SP140L: variants seen among roughly 807,000 people sequenced by gnomAD.
The protein encoded by SP140L is SP140 like nuclear body protein.
In SP140L, 64 loss-of-function variants were observed where a neutral mutation model predicts 84.3. The ratio of observed to expected loss-of-function variants is 0.76; its 90% CI spans 0.62 to 0.94. The LOEUF is 0.94. Among genes scored for constraint, SP140L ranks in the 40% least tolerant of loss-of-function variants. The probability of loss-of-function intolerance (pLI) is 0.00; values close to 1 mark genes in which losing one functional copy is unlikely to be tolerated. For synonymous variants in SP140L, 242 were observed against 236.9 expected, an observed-to-expected ratio of 1.02 and a Z score of -0.20; for missense variants, 628 against 692.5, an observed-to-expected ratio of 0.91 and a Z score of 1.05.
intron 15 of SP140L, chr2:230,400,748 G>A: frequency 8.3e-7 from 1 of 1,208,846 alleles, no homozygotes; most frequent in East Asian, 2.6e-5. Context: ...ACCTTCCTGA[G>A]GCTTCCCTCC....
intron 7 of SP140L, among the ~76,000 whole-genome samples, chr2:230,377,885 T>C (rs1041849886): frequency 6.6e-6 from 1 of 152,194 alleles, no homozygotes; most frequent in Non-Finnish European, 1.5e-5. Context: ...TTTGAGGTCC[T>C]ATTTAAGGAA....
chr2:230,328,799 C>T lies in SP140L; in HGVS notation c.75C>T (p.Asn25=). ...TTTCACAAGTAGCAAATGAGATGAA[C>T]CATCTTCCTGCACACAGCCAAAGTC... ...GGVSQVANEM[N]HLPAHSQSLQ... The change falls in exon 2 of 19, where the codon AAC becomes AAT. Residue 25 remains asparagine (N), a synonymous_variant. Transcript: ENST00000415673. 1 of 1,612,508 alleles carries T rather than the reference C, an allele frequency of 6.2e-7. No individual in the cohort carries two copies. Among genetic ancestry groups the T allele is most frequent in the Non-Finnish European group, 8.5e-7 (1 of 1,179,088 alleles).
intron 7 of SP140L, among the ~76,000 whole-genome samples, chr2:230,378,220 A>C (rs1027176655): frequency 6.7e-6 from 1 of 148,170 alleles, no homozygotes; most frequent in East Asian, 2.0e-4. Flanking sequence ...CTACAGTTTT[A>C]CAAATCCTGA....
chr2:230,354,977 A>C lies in SP140L; in HGVS notation c.108-2828A>C, dbSNP rs879411275. Reference sequence around the variant, plus strand: ...GAGAAAGAAAGGGAAAGAGGTAAGAATATGTATAAAGGTCTAACAGACATC... The same window carrying C: ...GAGAAAGAAAGGGAAAGAGGTAAGACTATGTATAAAGGTCTAACAGACATC... On this transcript the variant is annotated intron_variant, in intron 2 of 18. Transcript: ENST00000415673. Among the ~76,000 whole-genome samples, 5 of 152,088 alleles carry C rather than the reference A, an allele frequency of 3.3e-5. No individual in the cohort carries two copies. In the South Asian group the frequency reaches 1.0e-3, roughly 31 times the overall value.
intron 11 of SP140L, 75 bp from the exon 12 acceptor site, chr2:230,392,012 C>G: frequency 6.3e-7 from 1 of 1,589,482 alleles, no homozygotes; most frequent in Non-Finnish European, 8.6e-7. Context: ...GGCTCTAGAT[C>G]CAATGTGGTG....
rs116485551 is a variant in SP140L, at chr2:230,385,610, T to C, written c.784+306T>C. Among the ~76,000 whole-genome samples the C allele has an allele frequency of 5.1e-3, 780 of 152,320 alleles. 2 individuals are homozygous for C. Among genetic ancestry groups the C allele is most frequent in the African/African-American group, 0.018 (745 of 41,560 alleles). On this transcript the variant is annotated intron_variant, in intron 9 of 18. Transcript: ENST00000415673. ...TGGACCTGGTAAATTGTAAGCAGAA[T>C]ACAGGTTTATTTTCCCACTGCCCTT...
In SP140L at chr2:230,403,018, T is replaced by A. The variant is rs1575567766; in HGVS notation, c.*122T>A. ...GGCTTTTCTCTGAGCCTCCCTCATC[T>A]GCCCAAAAACAAATCCTCAAAAGAA... is the stretch of plus-strand genomic sequence containing the variant. On this transcript the variant is annotated 3_prime_UTR_variant, in exon 19 of 19. Coordinates refer to ENST00000415673, the MANE Select transcript of SP140L (RefSeq NM_138402.6). 1.4e-6 allele frequency: 1 copy of A among 721,434 alleles called. No individual in the cohort carries two copies. The highest frequency in any genetic ancestry group is 1.8e-5 in the African/African-American group (1 of 55,168). The allele number at this position is 721,434 out of a possible 1,614,324, so 44.7% of individuals were successfully genotyped here. A position where few individuals can be genotyped will look rare whatever the true frequency, so the allele number is the denominator to read the frequency against.
intron 2 of SP140L, among the ~76,000 whole-genome samples, chr2:230,339,986 T>C (rs1207190795): frequency 6.7e-6 from 1 of 149,630 alleles, no homozygotes; most frequent in Non-Finnish European, 1.5e-5. Context: ...GGGTGGAGAG[T>C]TCTGTAGATG....
intron 3 of SP140L, 109 bp downstream of exon 3, chr2:230,358,076 G>A: frequency 7.8e-7 from 1 of 1,286,964 alleles, no homozygotes; most frequent in Admixed American, 2.1e-5. Context: ...GAGGTCACCA[G>A]AGATGGTCCT....
At chr2:230,394,785 C>T (rs977779697) in intron 13 of SP140L, among the ~76,000 whole-genome samples, 2 of 152,174 alleles carry the variant, frequency 1.3e-5, no homozygotes, top group Non-Finnish European at 2.9e-5. Flanking sequence ...TCCTCTGTGC[C>T]TCTCAGAGCT....
intron 2 of SP140L, among the ~76,000 whole-genome samples, chr2:230,344,011 G>A (rs1267403131): frequency 6.6e-6 from 1 of 152,122 alleles, no homozygotes; most frequent in African/African-American, 2.4e-5. Context: ...TTTTTGAGTG[G>A]AGAGTTCTGT....
intron 10 of SP140L, among the ~76,000 whole-genome samples, chr2:230,389,477 T>C (rs1460881549): frequency 6.6e-6 from 1 of 152,068 alleles, no homozygotes; most frequent in Non-Finnish European, 1.5e-5. Flanking sequence ...TTAGGTTATC[T>C]CATCATTAGC....
chr2:230,359,200 C>T, intron 4 of SP140L, 68 bp downstream of exon 4: 1 of 1,381,124 alleles, frequency 7.2e-7, no homozygotes, highest in Non-Finnish European at 1.0e-6. Flanking sequence ...TATGTTTGAG[C>T]TCCTACCATG....
At chr2:230,395,684 G>A (rs540039096) in intron 13 of SP140L, among the ~76,000 whole-genome samples, 5 of 152,332 alleles carry the variant, frequency 3.3e-5, no homozygotes, top group Admixed American at 3.3e-4. Flanking sequence ...TCAGTGACAA[G>A]GTCACCTCTC....
At chr2:230,390,204 C>T (rs17332171) in intron 11 of SP140L, among the ~76,000 whole-genome samples, 181 bp downstream of exon 11, 40,905 of 152,118 alleles carry the variant, frequency 0.27, 5,848 homozygotes, top group Non-Finnish European at 0.31. Context: ...ACCCATTAGA[C>T]GCTGACTCGC....
At chr2:230,372,014 C>T (rs141639724) in intron 7 of SP140L, 2 of 223,224 alleles carry the variant, frequency 9.0e-6, no homozygotes, top group South Asian at 1.4e-4. Flanking sequence ...ATGTTGCAGG[C>T]TTTGAAGATG....
intron 2 of SP140L, among the ~76,000 whole-genome samples, chr2:230,342,682 C>T (rs994753858): frequency 6.6e-6 from 1 of 152,162 alleles, no homozygotes; most frequent in Non-Finnish European, 1.5e-5. Context: ...TTTGTTGATG[C>T]ATAATTGTTC....
chr2:230,353,689 C>A (rs373926018), intron 2 of SP140L, among the ~76,000 whole-genome samples: 1 of 151,974 alleles, frequency 6.6e-6, no homozygotes, highest in Admixed American at 6.6e-5. Flanking sequence ...ACGATACCTT[C>A]GATATCACTA....
At chr2:230,356,883 A>G (rs2060565017) in intron 2 of SP140L, among the ~76,000 whole-genome samples, 1 of 112,768 alleles carries the variant, frequency 8.9e-6, no homozygotes, top group Non-Finnish European at 1.8e-5. Context: ...TATCATTTTA[A>G]TGAACTTTAA....
Sources: allele counts gnomAD v4.1 joint callset (sites outside exome capture counted in the v4.1 genomes callset), GRCh38; gene constraint gnomAD v4.1.1; transcripts MANE v1.5; gene names NCBI Gene and HGNC (gene_info 2026-07-23, HGNC 2026-07-21).